The following RANBP2 variants were observed in gnomAD, a reference collection of about 807,000 sequenced individuals.
RANBP2 encodes the protein E3 SUMO-protein ligase RanBP2.
A neutral mutation model predicts 303.6 loss-of-function variants in RANBP2; 57 were observed. That is an observed-to-expected ratio of 0.19 (90% CI 0.15 to 0.23). The LOEUF (loss-of-function observed/expected upper bound fraction) is 0.23. Ranked by LOEUF, RANBP2 falls within the 10% of genes least tolerant of loss-of-function variation. The pLI, the probability that RANBP2 is intolerant of heterozygous loss-of-function variation, is 1.00. For missense variants in RANBP2, 3,138 were observed against 3,780.8 expected (o/e 0.83, Z 4.46); for synonymous variants, 1,167 against 1,301.5 (o/e 0.90, Z 2.23).
At chr2:109,010,674 C>G in the RANBP2 span, among the ~76,000 whole-genome samples, 5 of 152,202 alleles carry the variant, frequency 3.3e-5, no homozygotes, top group Non-Finnish European at 7.3e-5. Context: ...CCTCCTAATA[C>G]CATCACACTG....
At chr2:109,626,093 C>G in the RANBP2 span, among the ~76,000 whole-genome samples, 8,789 of 152,240 alleles carry the variant, frequency 0.058, 334 homozygotes, top group African/African-American at 0.1. Context: ...GACAGGTGGA[C>G]CTTGGTCTCC....
chr2:109,698,004 C>T, the RANBP2 span, among the ~76,000 whole-genome samples: 1 of 151,832 alleles, frequency 6.6e-6, no homozygotes, highest in Non-Finnish European at 1.5e-5. Flanking sequence ...GGATTACAGG[C>T]ATGTGCCACC....
the RANBP2 span, chr2:109,614,574 G>T: frequency 7.9e-6 from 11 of 1,389,096 alleles, no homozygotes; most frequent in East Asian, 2.5e-4. Context: ...CGGGGGCCGG[G>T]CCCTGCACGC....
chr2:109,078,096 A>ATATATATATATATATATATATAGCG, the RANBP2 span, among the ~76,000 whole-genome samples: 26 of 54,616 alleles, frequency 4.8e-4, no homozygotes, highest in African/African-American at 2.7e-3. Context: ...ATATATATAT[A>ATATATATATATATATATATATAGCG]TATATATATA....
At chr2:109,568,492 C>T in the RANBP2 span, among the ~76,000 whole-genome samples, 1 of 151,910 alleles carries the variant, frequency 6.6e-6, no homozygotes, top group African/African-American at 2.4e-5. Context: ...TTCCCTCAAC[C>T]TCCCAAGTAG....
chr2:109,209,094 C>T, the RANBP2 span, among the ~76,000 whole-genome samples: 5 of 152,314 alleles, frequency 3.3e-5, no homozygotes, highest in South Asian at 8.3e-4. Flanking sequence ...AAACAAAACC[C>T]ACAAATGTTG....
At chr2:108,806,684 A>G in the RANBP2 span, among the ~76,000 whole-genome samples, 6 of 152,356 alleles carry the variant, frequency 3.9e-5, no homozygotes, top group African/African-American at 1.4e-4. Context: ...AGCAATGGGC[A>G]TATTTAGCCA....
the RANBP2 span, among the ~76,000 whole-genome samples, chr2:109,259,422 G>A: frequency 6.6e-6 from 1 of 152,234 alleles, no homozygotes; most frequent in Non-Finnish European, 1.5e-5. Context: ...ACTCTGTTGT[G>A]ATTTCTGCTG....
At chr2:109,026,788 C>T in the RANBP2 span, among the ~76,000 whole-genome samples, 9 of 152,240 alleles carry the variant, frequency 5.9e-5, 1 homozygote, top group African/African-American at 2.2e-4. Context: ...TAGAAGTGGC[C>T]GGGTGCAGTG....
At chr2:109,591,018 A>C in the RANBP2 span, among the ~76,000 whole-genome samples, 1 of 152,242 alleles carries the variant, frequency 6.6e-6, no homozygotes, top group Admixed American at 6.5e-5. Context: ...GAGAGCTAAC[A>C]AACAGATGCC....
the RANBP2 span, among the ~76,000 whole-genome samples, chr2:109,353,985 C>T: frequency 6.6e-6 from 1 of 152,114 alleles, no homozygotes; most frequent in Non-Finnish European, 1.5e-5. Flanking sequence ...GTCAGAGCCC[C>T]CCGAAGTCTC....
the RANBP2 span, among the ~76,000 whole-genome samples, chr2:108,977,256 G>C: frequency 2.0e-5 from 3 of 152,040 alleles, no homozygotes; most frequent in Admixed American, 1.3e-4. Flanking sequence ...TCTCAGCTTG[G>C]CTCCTGAGAA....
the RANBP2 span, chr2:109,574,710 T>C: frequency 6.2e-7 from 1 of 1,606,306 alleles, no homozygotes; most frequent in Non-Finnish European, 8.5e-7. Flanking sequence ...TAATCTTCAG[T>C]TCTTCTTGGA....
chr2:109,732,237 C>T, the RANBP2 span, among the ~76,000 whole-genome samples: 1 of 152,132 alleles, frequency 6.6e-6, no homozygotes, highest in East Asian at 1.9e-4. Flanking sequence ...AGATCCTGGA[C>T]AGACCTAGGC....
At chr2:109,231,328 T>C in the RANBP2 span, among the ~76,000 whole-genome samples, 6 of 152,228 alleles carry the variant, frequency 3.9e-5, no homozygotes, top group Admixed American at 6.5e-5. Flanking sequence ...TTTTGACAAG[T>C]GTGTTACAAT....
At chr2:109,158,758 G>GT in the RANBP2 span, among the ~76,000 whole-genome samples, 2 of 152,226 alleles carry the variant, frequency 1.3e-5, no homozygotes, top group African/African-American at 4.8e-5. Flanking sequence ...GTTGCTAAGT[G>GT]TTTCTTTCAA....
In RANBP2 at chr2:108,765,066, T is replaced by G. The variant is rs1331278306; in HGVS notation, c.4527T>G (p.Ser1509Arg). Residue 1509 changes from serine (S) to arginine (R), a missense_variant, in exon 20 of 29, where the codon AGT becomes AGG. This residue lies in a region of RANBP2 where 388 missense variants were observed against 328.5 expected (regional missense o/e 1.18). Transcript: ENST00000283195. ...CTTGTCAGAATCCGAGAAAACAGAG[T>G]CTACCTGCTACTTCTATTCCAACAC... ...CAACQNPRKQ[S>R]LPATSIPTPA... The G allele has an allele frequency of 6.2e-7, 1 of 1,613,708 alleles. No homozygotes were observed.
the RANBP2 span, among the ~76,000 whole-genome samples, chr2:109,088,550 T>C: frequency 6.6e-6 from 1 of 152,104 alleles, no homozygotes; most frequent in Non-Finnish European, 1.5e-5. Flanking sequence ...TTTCACTTTG[T>C]CTCCCAGGCT....
rs1156826625 is a variant in RANBP2, at chr2:108,746,243, C to T, written c.976-468C>T. Among the ~76,000 whole-genome samples the T allele has an allele frequency of 1.2e-4, 16 of 129,542 alleles. 1 individual carries two copies. The Middle Eastern group carries it at 0.016, about 129-fold the overall frequency. The allele number at this position is 129,542 out of a possible 152,430, so 85.0% of individuals were successfully genotyped here. ...TTTTTTTTTTTTTGCGATGGAGCCT[C>T]GCTCTTTCACCCAGGCTGGAGTGCA... On this transcript the variant is annotated intron_variant, in intron 7 of 28. Transcript: ENST00000283195.
Sources: gnomAD v4.1 joint callset for allele counts (sites outside exome capture counted in the v4.1 genomes callset) on GRCh38, gnomAD v4.1.1 for gene constraint, gnomAD v4.1.1 regional missense constraint, MANE v1.5 for transcripts, NCBI Gene and HGNC (gene_info 2026-07-23, HGNC 2026-07-21) for gene names.